HIVEP1: variants seen among roughly 807,000 people sequenced by gnomAD.
The protein encoded by HIVEP1 is zinc finger protein 40.
Under a neutral mutation model 180.0 loss-of-function variants are expected in HIVEP1, and 36 were observed. The observed-to-expected ratio is 0.20, with a 90% confidence interval of 0.15 to 0.26. The LOEUF (loss-of-function observed/expected upper bound fraction) is 0.26, where lower values mean the gene tolerates loss of function less well. Among genes scored for constraint, HIVEP1 ranks in the 10% least tolerant of loss-of-function variants. The pLI is 1.00. For missense variants in HIVEP1, 3,143 were observed against 3,268.7 expected (o/e 0.96, Z 0.94); for synonymous variants, 1,239 against 1,239.0 (o/e 1.00, Z 0.00).
rs182152379 is a variant in HIVEP1, at chr6:12,017,039, C to T, written c.40+1371C>T. The stretch of plus-strand genomic sequence containing the variant: ...GCAGCCCAAATATTTGTTGAAGGAA[C>T]GAGTGCATGATTGATCTGAAGGTGT... On this transcript the variant is annotated intron_variant, in intron 2 of 8. Transcript: ENST00000379388. 1.6e-4 allele frequency among the ~76,000 whole-genome samples: 25 copies of T among 152,298 alleles called. 1 individual carries two copies. The East Asian group carries it at 3.3e-3, about 20-fold the overall frequency.
At chr6:12,033,671 G>A (rs1429594767) in intron 2 of HIVEP1, among the ~76,000 whole-genome samples, 2 of 152,118 alleles carry the variant, frequency 1.3e-5, no homozygotes, top group Non-Finnish European at 2.9e-5. Context: ...TTTTCATAGA[G>A]TTTTTAGAAC....
At position 12,063,393 on chromosome 6, in the gene HIVEP1, G is replaced by T. The variant is rs764641782; in HGVS notation, c.41-25791G>T. On this transcript the variant is annotated intron_variant, in intron 2 of 8. Coordinates refer to ENST00000379388, the MANE Select transcript of HIVEP1 (RefSeq NM_002114.4). The surrounding 1 kb of genome is among the most constrained non-coding windows in gnomAD (Gnocchi z 4.2). Reference sequence around the variant, plus strand: ...TCCAGGCATTTCCAAATGCCTTTTGGGGGGCAAAATCACCCCAACCTAAAA... The same window carrying T: ...TCCAGGCATTTCCAAATGCCTTTTGTGGGGCAAAATCACCCCAACCTAAAA... 6.6e-6 allele frequency among the ~76,000 whole-genome samples: 1 copy of T among 152,048 alleles called. No homozygotes were observed. The highest frequency in any genetic ancestry group is 1.5e-5 in the Non-Finnish European group (1 of 68,002).
rs550671678 is a variant in HIVEP1, at chr6:12,111,077, T to TAA, written c.95-8812_95-8811insAA. ...ACAACATTTATTAAGTTTACTGTGT[T>TAA]ACATGGGCACAATTAATGCAGCCCC... On this transcript the variant is annotated intron_variant, in intron 3 of 8. Coordinates refer to ENST00000379388, the MANE Select transcript of HIVEP1 (RefSeq NM_002114.4). Among the ~76,000 whole-genome samples the TAA allele has an allele frequency of 9.8e-5, 15 of 152,350 alleles. No homozygotes were observed. The South Asian group carries it at 1.2e-3, about 13-fold the overall frequency.
intron 2 of HIVEP1, among the ~76,000 whole-genome samples, chr6:12,056,308 C>T (rs1047978324): frequency 2.0e-5 from 3 of 152,116 alleles, no homozygotes; most frequent in Admixed American, 1.3e-4. Context: ...GCCTTAGACT[C>T]GAGGTAGTAT....
intron 2 of HIVEP1, among the ~76,000 whole-genome samples, chr6:12,024,397 T>C (rs1335038271): frequency 6.6e-6 from 1 of 152,200 alleles, no homozygotes; most frequent in Non-Finnish European, 1.5e-5. Flanking sequence ...AACAAAACGG[T>C]TGGCTGCTGT....
chr6:12,016,387 T>C (rs1407255772), intron 2 of HIVEP1, among the ~76,000 whole-genome samples: 1 of 152,252 alleles, frequency 6.6e-6, no homozygotes, highest in African/African-American at 2.4e-5. Context: ...AAGAATGTAG[T>C]AGTGCTAAAA....
At chr6:12,107,365 T>C (rs948141358) in intron 3 of HIVEP1, among the ~76,000 whole-genome samples, 1 of 152,228 alleles carries the variant, frequency 6.6e-6, no homozygotes, top group Non-Finnish European at 1.5e-5. Flanking sequence ...CATCTGAGTC[T>C]TTATCCAGTC....
chr6:12,109,218 C>G (rs971427375), intron 3 of HIVEP1, among the ~76,000 whole-genome samples: 2 of 152,176 alleles, frequency 1.3e-5, no homozygotes, highest in African/African-American at 4.8e-5. Context: ...TGGTCTCAAT[C>G]TCCTGACCTC....
chr6:12,187,006 A>G, the HIVEP1 span, among the ~76,000 whole-genome samples: 1 of 152,182 alleles, frequency 6.6e-6, no homozygotes, highest in Non-Finnish European at 1.5e-5. Context: ...TGGGCTGAAT[A>G]GCAGATTGAA....
chr6:12,062,183 T>C (rs1771282080), intron 2 of HIVEP1, among the ~76,000 whole-genome samples: 1 of 152,196 alleles, frequency 6.6e-6, no homozygotes, highest in African/African-American at 2.4e-5. Flanking sequence ...AACAAATTTG[T>C]AGAATGTTCA....
At chr6:12,033,309 T>C (rs1769073545) in intron 2 of HIVEP1, among the ~76,000 whole-genome samples, 1 of 149,378 alleles carries the variant, frequency 6.7e-6, no homozygotes, top group Admixed American at 6.7e-5. Flanking sequence ...GACCCCATTA[T>C]AAGTAGAGGA....
At chr6:12,205,908 A>C in the HIVEP1 span, among the ~76,000 whole-genome samples, 1 of 152,128 alleles carries the variant, frequency 6.6e-6, no homozygotes, top group Non-Finnish European at 1.5e-5. Flanking sequence ...TTTCCTCTGC[A>C]ATCTCAGCTG....
In HIVEP1 at chr6:12,123,246, C is replaced by A; in HGVS notation, c.3451C>A (p.Pro1151Thr). 3 of 1,614,156 alleles carry A rather than the reference C, an allele frequency of 1.9e-6. No homozygotes were observed. Among genetic ancestry groups the A allele is most frequent in the South Asian group, 1.1e-5 (1 of 91,080 alleles). The change falls in exon 4 of 9, where the codon CCT becomes ACT. Residue 1151 changes from proline to threonine, a missense_variant. Pro to Thr is a conservative substitution (Grantham distance 38). Transcript: ENST00000379388. ...GAGCAGGCCCAACTCATTTGACAAG[C>A]CTGAGCCTTTTGAAAGAGCCTCCCC... ...SLSRPNSFDKPEPFERASPVS... is the reference protein window; with the variant it reads ...SLSRPNSFDKTEPFERASPVS...
chr6:12,033,322 A>ATGTGTGTG (rs58465582), intron 2 of HIVEP1, among the ~76,000 whole-genome samples: 128 of 148,880 alleles, frequency 8.6e-4, no homozygotes, highest in African/African-American at 1.5e-3. Context: ...GTAGAGGAGC[A>ATGTGTGTG]TGTGTGTGTG....
At chr6:12,055,748 T>C (rs1279831889) in intron 2 of HIVEP1, among the ~76,000 whole-genome samples, 1 of 152,194 alleles carries the variant, frequency 6.6e-6, no homozygotes, top group East Asian at 1.9e-4. Context: ...ATTGGAATCA[T>C]GAGATTTCAT....
intron 2 of HIVEP1, among the ~76,000 whole-genome samples, chr6:12,021,494 C>G (rs1278771048): frequency 6.6e-6 from 1 of 152,202 alleles, no homozygotes; most frequent in Admixed American, 6.5e-5. Context: ...TATCCTCCTC[C>G]CCTCCACAGA....
intron 7 of HIVEP1, among the ~76,000 whole-genome samples, chr6:12,154,640 G>T (rs921411437): frequency 6.6e-6 from 1 of 152,074 alleles, no homozygotes; most frequent in Non-Finnish European, 1.5e-5. Flanking sequence ...GGGTCTGTTG[G>T]GGGTGGGGGA....
In HIVEP1 at chr6:12,020,219, A is replaced by G. The variant is rs1768094435; in HGVS notation, c.40+4551A>G. 9.2e-6 allele frequency: 4 copies of G among 436,332 alleles called. No homozygotes were observed. The Admixed American group carries it at 9.9e-5, about 11-fold the overall frequency. The allele number at this position is 436,332 out of a possible 1,614,324, so 27.0% of individuals were successfully genotyped here. A position where few individuals can be genotyped will look rare whatever the true frequency, so the allele number is the denominator to read the frequency against. On this transcript the variant is annotated intron_variant, in intron 2 of 8. Coordinates refer to ENST00000379388, the MANE Select transcript of HIVEP1 (RefSeq NM_002114.4). ...GCCCAGCGTTAAACCAGATAGAATC[A>G]GTTCTCCATGCCTGTTTCCCATCTG... is the stretch of plus-strand genomic sequence containing the variant.
At chr6:12,207,008 A>G in the HIVEP1 span, among the ~76,000 whole-genome samples, 2 of 152,214 alleles carry the variant, frequency 1.3e-5, no homozygotes, top group Admixed American at 6.5e-5. Context: ...GGGGTTGCCA[A>G]CATTGATCAA....
Sources: gnomAD v4.1 joint callset for allele counts (sites outside exome capture counted in the v4.1 genomes callset) on GRCh38, gnomAD v4.1.1 for gene constraint, Gnocchi (gnomAD v3.1) non-coding constraint, MANE v1.5 for transcripts, NCBI Gene and HGNC (gene_info 2026-07-23, HGNC 2026-07-21) for gene names.